The following SIRPB2 variants were observed in gnomAD, a reference collection of about 807,000 sequenced individuals.
SIRPB2 encodes the protein signal regulatory protein beta 2.
A neutral mutation model predicts 27.1 loss-of-function variants in SIRPB2; 18 were observed. That is an observed-to-expected ratio of 0.66 (90% CI 0.46 to 0.98). The LOEUF (loss-of-function observed/expected upper bound fraction) is 0.98, where lower values mean the gene tolerates loss of function less well. Ranked by LOEUF, SIRPB2 falls within the 50% of genes least tolerant of loss-of-function variation. The probability of loss-of-function intolerance (pLI) is 0.00; values close to 1 mark genes in which losing one functional copy is unlikely to be tolerated. For missense variants in SIRPB2, 420 were observed against 417.4 expected (o/e 1.01, Z -0.06); for synonymous variants, 150 against 164.6 (o/e 0.91, Z 0.68).
At chr20:1,480,609 G>A (rs2090661995) in intron 1 of SIRPB2, among the ~76,000 whole-genome samples, 1 of 152,226 alleles carries the variant, frequency 6.6e-6, no homozygotes, top group African/African-American at 2.4e-5. Context: ...ACATACGCAT[G>A]CAGGGGGAAG....
Position 1,478,258 on chromosome 20 carries a change from TGTC to T in SIRPB2, c.793+5_793+7del. 1 of 1,608,018 alleles carries T rather than the reference TGTC, an allele frequency of 6.2e-7. No individual in the cohort carries two copies. The highest frequency in any genetic ancestry group is 8.5e-7 in the Non-Finnish European group (1 of 1,175,444). ...CTCTCCCGACAAGTCCAAAACCAAT[TGTC>T]TCACCTTTCACTTTCAGGCTGGTGC... On this transcript the variant is annotated splice_donor_5th_base_variant and intron_variant, in intron 3 of 4. Transcript: ENST00000359801.
chr20:1,481,986 G>GA (rs1204526713), intron 1 of SIRPB2, among the ~76,000 whole-genome samples: 1 of 152,102 alleles, frequency 6.6e-6, no homozygotes, highest in African/African-American at 2.4e-5. Flanking sequence ...GGGCACTGGG[G>GA]AAAGTCCACA....
Position 1,475,777 on chromosome 20 carries a change from T to A in SIRPB2, c.*390A>T. 3.3e-5 allele frequency: 4 copies of A among 121,906 alleles called. No homozygotes were observed. The highest frequency in any genetic ancestry group is 4.1e-4 in the South Asian group (2 of 4,938). 7.6% of individuals were successfully genotyped at this position (121,906 alleles called of 1,614,324 possible). ...GATGGAGGGGCACAGATGGTCTGGC[T>A]GGTTGAGTTCAGAGATTCTTACAGA... On this transcript the variant is annotated 3_prime_UTR_variant, in exon 5 of 5. Transcript: ENST00000359801.
At chr20:1,486,996 GA>G (rs1308390599) in intron 1 of SIRPB2, among the ~76,000 whole-genome samples, 2 of 151,994 alleles carry the variant, frequency 1.3e-5, no homozygotes, top group Non-Finnish European at 2.9e-5. Context: ...AAGGTAGTAG[GA>G]AATAAAAGAC....
chr20:1,481,217 T>C (rs1469238137), intron 1 of SIRPB2, among the ~76,000 whole-genome samples: 13 of 152,208 alleles, frequency 8.5e-5, no homozygotes, highest in Non-Finnish European at 1.5e-5. Context: ...GGTCTCACTA[T>C]GGTGCCCAGG....
Position 1,479,804 on chromosome 20 carries a change from T to C in SIRPB2, c.347A>G (p.Asn116Ser), listed in dbSNP as rs779183492. Residue 116 changes from asparagine to serine, a missense_variant, in exon 2 of 5, where the codon AAT (asparagine) becomes AGT (serine). By Grantham distance (46) the Asn-to-Ser change is conservative. Transcript: ENST00000359801. The stretch of plus-strand genomic sequence containing the variant: ...GGTTCCAGTGTGCTCCCTGGTGACA[T>C]TGTGGATATAGATGGAATAATCACA... ...LNCDYSIYIH[N>S]VTREHTGTYH... is the part of the protein sequence containing the mutation. 7 of 1,614,104 alleles carry C rather than the reference T, an allele frequency of 4.3e-6. No homozygotes were observed. The East Asian group carries it at 6.7e-5, about 15-fold the overall frequency.
rs142373880 is a variant in SIRPB2 at position 1,486,433 on chromosome 20, T to C, written c.85+4842A>G. On this transcript the variant is annotated intron_variant, in intron 1 of 4. Coordinates refer to ENST00000359801, the MANE Select transcript of SIRPB2 (RefSeq NM_001122962.2). ...ATTTTATACAAATACTTTTAGAAAA[T>C]TGAAAAAAGGAGCATACTTTTCTAA... Among the ~76,000 whole-genome samples, 17 of 152,098 alleles carry C rather than the reference T, an allele frequency of 1.1e-4. No homozygotes were observed. The East Asian group carries it at 3.3e-3, about 29-fold the overall frequency.
Position 1,482,833 on chromosome 20 carries a change from T to TA in SIRPB2, c.86-2769_86-2768insT, listed in dbSNP as rs200576980. 7.5e-3 allele frequency among the ~76,000 whole-genome samples: 1,124 copies of TA among 148,950 alleles called. 25 individuals carry two copies. Among genetic ancestry groups the TA allele is most frequent in the African/African-American group, 0.028 (1,089 of 39,418 alleles). On this transcript the variant is annotated intron_variant, in intron 1 of 4. Coordinates refer to ENST00000359801, the MANE Select transcript of SIRPB2 (RefSeq NM_001122962.2). ...TGCTTGGGGACACTATATATATGTA[T>TA]TTTTTTTATCAATTCATCCATTGAT... is the stretch of plus-strand genomic sequence containing the variant.
intron 1 of SIRPB2, chr20:1,480,395 C>T (rs1415759049): frequency 1.6e-5 from 4 of 256,878 alleles, no homozygotes; most frequent in African/African-American, 2.2e-5. Flanking sequence ...ACTGAGGGTC[C>T]GGAAAGGTTA....
rs761993621 is a variant in SIRPB2, at chr20:1,491,348, C to T, written c.12G>A (p.Thr4=). Residue 4 remains threonine, a synonymous_variant, in exon 1 of 5, where the codon ACG becomes ACA. Coordinates refer to ENST00000359801, the MANE Select transcript of SIRPB2 (RefSeq NM_001122962.2). Reference sequence around the variant, plus strand: ...GGGCCAGGCAGGTGGGGGCCGACATCGTGGAGCACATGGCATCTTCTGTGG... The same window carrying T: ...GGGCCAGGCAGGTGGGGGCCGACATTGTGGAGCACATGGCATCTTCTGTGG... MCS[T]MSAPTCLAHL... is the part of the protein sequence containing the mutation. The T allele has an allele frequency of 6.2e-6, 10 of 1,609,312 alleles. No individual in the cohort carries two copies. In the East Asian group the frequency reaches 6.7e-5, roughly 11 times the overall value.
At chr20:1,479,637 A>G in intron 2 of SIRPB2, 63 bp downstream of exon 2, 2 of 1,583,876 alleles carry the variant, frequency 1.3e-6, no homozygotes, top group Non-Finnish European at 1.7e-6. Flanking sequence ...TACAGTGGAT[A>G]AAGGTGACTG....
intron 3 of SIRPB2, among the ~76,000 whole-genome samples, chr20:1,477,625 A>G (rs1024587775): frequency 3.3e-5 from 5 of 152,234 alleles, no homozygotes; most frequent in Admixed American, 6.5e-5. Flanking sequence ...AGTACTTAGC[A>G]TAGTGCAGGA....
chr20:1,486,230 G>T (rs2090725213), intron 1 of SIRPB2, among the ~76,000 whole-genome samples: 1 of 151,772 alleles, frequency 6.6e-6, no homozygotes, highest in South Asian at 2.1e-4. Context: ...GCACCACCAT[G>T]CCCGGCTAAT....
intron 1 of SIRPB2, among the ~76,000 whole-genome samples, chr20:1,482,931 C>A (rs892163343): frequency 2.0e-5 from 3 of 151,994 alleles, no homozygotes; most frequent in African/African-American, 7.3e-5. Context: ...GCATGCACTC[C>A]TTTGATATAT....
At chr20:1,478,889 C>T (rs1272534724) in intron 2 of SIRPB2, among the ~76,000 whole-genome samples, 1 of 152,168 alleles carries the variant, frequency 6.6e-6, no homozygotes. Flanking sequence ...AAAAAATTGC[C>T]CAGAGGCGGA....
Position 1,479,974 on chromosome 20 carries a change from C to A in SIRPB2, c.177G>T (p.Arg59Ser), listed in dbSNP as rs754331829. 6.2e-7 allele frequency: 1 copy of A among 1,614,102 alleles called. No individual in the cohort carries two copies. Among genetic ancestry groups the A allele is most frequent in the Non-Finnish European group, 8.5e-7 (1 of 1,180,052 alleles). Reference sequence around the variant, plus strand: ...CAGTGCAGGAGCCGACCACCATACACCTCAGTAGAAGTGTCTCACCTTCTG... The same window carrying A: ...CAGTGCAGGAGCCGACCACCATACAACTCAGTAGAAGTGTCTCACCTTCTG... ...LVAEGETLLL[R>S]CMVVGSCTDG... Residue 59 changes from arginine to serine, a missense_variant, in exon 2 of 5, where the codon AGG (arginine) becomes AGT (serine). By Grantham distance (110) the Arg-to-Ser change is moderately radical. Transcript: ENST00000359801.
chr20:1,487,741 T>A (rs1156709986), intron 1 of SIRPB2, among the ~76,000 whole-genome samples: 1 of 152,204 alleles, frequency 6.6e-6, no homozygotes, highest in Non-Finnish European at 1.5e-5. Context: ...AAACTGCTAG[T>A]CTCAAGCAAT....
downstream of SIRPB2, among the ~76,000 whole-genome samples, chr20:1,472,119 G>GT (rs2090582718): frequency 1.3e-5 from 2 of 152,106 alleles, no homozygotes; most frequent in African/African-American, 4.8e-5. Context: ...ATAGTGGCCT[G>GT]TTGGCCCTTA....
rs541859800 is a variant in SIRPB2, at chr20:1,490,610, T to C, written c.85+665A>G. 3.9e-5 allele frequency among the ~76,000 whole-genome samples: 6 copies of C among 152,346 alleles called. No homozygotes were observed. In the South Asian group the frequency reaches 1.2e-3, roughly 32 times the overall value. On this transcript the variant is annotated intron_variant, in intron 1 of 4. Coordinates refer to ENST00000359801, the MANE Select transcript of SIRPB2 (RefSeq NM_001122962.2). ...CAGGCACTTATGGGTATTATCTTGT[T>C]AAATTCTCCTAAGAAAGTCCCAAGG... is the stretch of plus-strand genomic sequence containing the variant.
Sources: gnomAD v4.1 joint callset for allele counts (sites outside exome capture counted in the v4.1 genomes callset) on GRCh38, gnomAD v4.1.1 for gene constraint, MANE v1.5 for transcripts, NCBI Gene and HGNC (gene_info 2026-07-23, HGNC 2026-07-21) for gene names.